Variants in DLGAP4 observed in about 807,000 individuals in gnomAD.
DLGAP4 encodes disks large-associated protein 4.
A neutral mutation model predicts 86.9 loss-of-function variants in DLGAP4; 18 were observed. The observed-to-expected ratio is 0.21, with a 90% CI of 0.14 to 0.31. The LOEUF is 0.31. DLGAP4 is among the 10% of genes least tolerant of loss of function. DLGAP4 has a pLI of 1.00. For synonymous variants in DLGAP4, 548 were observed against 574.3 expected, an observed-to-expected ratio of 0.95 and a Z score of 0.65; for missense variants, 1,085 against 1,362.6, an observed-to-expected ratio of 0.80 and a Z score of 3.21.
At position 36,442,804 on chromosome 20, in the gene DLGAP4, C is replaced by A. The variant is rs749118205; in HGVS notation, c.1407+27C>A. The A allele has an allele frequency of 3.1e-6, 5 of 1,614,126 alleles. No homozygotes were observed. The South Asian group carries it at 5.5e-5, about 18-fold the overall frequency. Reference sequence around the variant, plus strand: ...TCAGTATGTTTGCCCTTCTCTTCCACCCCAATCCCAGAGTGTAGGCCTGGG... The same window carrying A: ...TCAGTATGTTTGCCCTTCTCTTCCAACCCAATCCCAGAGTGTAGGCCTGGG... On this transcript the variant is annotated intron_variant, in intron 6 of 12. Transcript: ENST00000339266.
At chr20:36,404,688 A>G (rs1369684558) in intron 2 of DLGAP4, among the ~76,000 whole-genome samples, 3 of 152,192 alleles carry the variant, frequency 2.0e-5, no homozygotes, top group African/African-American at 4.8e-5. Context: ...TCCCCACAAG[A>G]CAGCTCTCTT....
At chr20:36,409,480 A>G (rs996011742) in intron 2 of DLGAP4, among the ~76,000 whole-genome samples, 39 of 142,268 alleles carry the variant, frequency 2.7e-4, no homozygotes, top group African/African-American at 8.2e-4. Flanking sequence ...CTGTAATCCT[A>G]TGGGAGGCTG....
chr20:36,413,413 CTT>C (rs71184094), intron 2 of DLGAP4, among the ~76,000 whole-genome samples: 1 of 71,010 alleles, frequency 1.4e-5, no homozygotes, highest in African/African-American at 5.7e-5. Context: ...TTGTTCTGGA[CTT>C]TTTTTTTTTT....
At chr20:36,496,356 G>GC (rs1371015772) in intron 7 of DLGAP4, among the ~76,000 whole-genome samples, 2 of 152,190 alleles carry the variant, frequency 1.3e-5, no homozygotes, top group Admixed American at 6.5e-5. Flanking sequence ...CCTCCCCACG[G>GC]CACGGGTCAG....
chr20:36,317,059 A>G (rs1350688756), intron 1 of DLGAP4, among the ~76,000 whole-genome samples: 1 of 152,160 alleles, frequency 6.6e-6, no homozygotes, highest in East Asian at 1.9e-4. Context: ...ACTGTAGCCT[A>G]GTCTACACTA....
intron 7 of DLGAP4, among the ~76,000 whole-genome samples, chr20:36,453,226 A>C (rs1691116539): frequency 6.6e-6 from 1 of 152,192 alleles, no homozygotes; most frequent in African/African-American, 2.4e-5. Context: ...CCAGCACCGT[A>C]GGGAGGATCT....
chr20:36,490,845 A>C (rs2035630701), intron 7 of DLGAP4, among the ~76,000 whole-genome samples: 1 of 152,144 alleles, frequency 6.6e-6, no homozygotes, highest in South Asian at 2.1e-4. Flanking sequence ...ATGGAGTCAC[A>C]GCCACTCCTG....
chr20:36,353,447 G>A (rs1272644420), intron 1 of DLGAP4, among the ~76,000 whole-genome samples: 1 of 152,224 alleles, frequency 6.6e-6, no homozygotes, highest in African/African-American at 2.4e-5. Flanking sequence ...GGAGAGGGAA[G>A]GCCCCTTCTG....
intron 1 of DLGAP4, among the ~76,000 whole-genome samples, chr20:36,327,443 G>A (rs1555891081): frequency 6.6e-6 from 1 of 152,094 alleles, no homozygotes; most frequent in Admixed American, 6.5e-5. Flanking sequence ...CTGGCAGAGT[G>A]CAGCACAGGA....
intron 2 of DLGAP4, among the ~76,000 whole-genome samples, chr20:36,426,695 C>T (rs1433399696): frequency 2.0e-5 from 3 of 151,962 alleles, no homozygotes; most frequent in South Asian, 2.1e-4. Context: ...CTGAATTGCA[C>T]GCTTAAAGAT....
chr20:36,317,323 TC>T lies in DLGAP4; in HGVS notation c.-304+10813del, dbSNP rs1569452712. 9.3e-3 allele frequency among the ~76,000 whole-genome samples: 24 copies of T among 2,588 alleles called. 1 individual carries two copies. Among genetic ancestry groups the T allele is most frequent in the Admixed American group, 0.017 (3 of 180 alleles). 1.7% of individuals were successfully genotyped at this position (2,588 alleles called of 152,430 possible). A position where few individuals can be genotyped will look rare whatever the true frequency, so the allele number is the denominator to read the frequency against. ...TTTCTTTCTTCCTTCCTTCCTTCCTTCCTTCCTCTTTCTCTCTTTCTTTCCT... is the reference window on the plus strand; with the variant it reads ...TTTCTTTCTTCCTTCCTTCCTTCCTTCTTCCTCTTTCTCTCTTTCTTTCCT... On this transcript the variant is annotated intron_variant, in intron 1 of 12. Coordinates refer to ENST00000339266, the MANE Select transcript of DLGAP4 (RefSeq NM_001365621.2).
intron 2 of DLGAP4, among the ~76,000 whole-genome samples, chr20:36,371,824 G>C (rs2030950874): frequency 6.6e-6 from 1 of 152,002 alleles, no homozygotes; most frequent in South Asian, 2.1e-4. Context: ...AGAATTATAT[G>C]TGTTTCTGGA....
chr20:36,374,032 CA>C (rs11472489), intron 2 of DLGAP4, among the ~76,000 whole-genome samples: 48 of 115,642 alleles, frequency 4.2e-4, no homozygotes, highest in Non-Finnish European at 4.5e-4. Context: ...GAGACTGTCT[CA>C]AAAAAAAAAA....
At chr20:36,460,707 G>A (rs2034003670) in intron 7 of DLGAP4, among the ~76,000 whole-genome samples, 2 of 152,200 alleles carry the variant, frequency 1.3e-5, no homozygotes, top group South Asian at 4.1e-4. Context: ...GGGACTCGCG[G>A]GGTAGAAGCC....
intron 7 of DLGAP4, among the ~76,000 whole-genome samples, chr20:36,479,903 T>C (rs2035108995): frequency 6.6e-6 from 1 of 151,926 alleles, no homozygotes; most frequent in Admixed American, 6.6e-5. Context: ...GCATGCAGAG[T>C]CCATGGAGGG....
At chr20:36,520,098 T>C (rs1248584195) in intron 10 of DLGAP4, among the ~76,000 whole-genome samples, 1 of 152,048 alleles carries the variant, frequency 6.6e-6, no homozygotes, top group Non-Finnish European at 1.5e-5. Context: ...GCTATCTTAA[T>C]GGGTATGAAG....
intron 10 of DLGAP4, among the ~76,000 whole-genome samples, chr20:36,511,389 A>G (rs926570609): frequency 7.9e-5 from 12 of 151,902 alleles, no homozygotes; most frequent in Non-Finnish European, 1.6e-4. Flanking sequence ...TTTTTTGTAG[A>G]GATGGGGTCT....
intron 2 of DLGAP4, among the ~76,000 whole-genome samples, chr20:36,391,344 G>C (rs1046275283): frequency 6.6e-6 from 1 of 152,156 alleles, no homozygotes; most frequent in Non-Finnish European, 1.5e-5. Context: ...CAGGCCATGC[G>C]ATCTGTGGTG....
intron 2 of DLGAP4, among the ~76,000 whole-genome samples, chr20:36,406,585 G>A (rs1445927028): frequency 1.3e-5 from 2 of 152,086 alleles, no homozygotes; most frequent in African/African-American, 4.8e-5. Flanking sequence ...ACCTCCAGGG[G>A]GCTGGCCGGT....
Sources: allele counts gnomAD v4.1 joint callset (sites outside exome capture counted in the v4.1 genomes callset), GRCh38; gene constraint gnomAD v4.1.1; transcripts MANE v1.5; gene names NCBI Gene and HGNC (gene_info 2026-07-23, HGNC 2026-07-21).